KCNAB1: variants seen among roughly 807,000 people sequenced by gnomAD.
KCNAB1 encodes potassium voltage-gated channel subfamily A regulatory beta subunit 1.
Under a neutral mutation model 64.6 loss-of-function variants are expected in KCNAB1, and 35 were observed. That is an observed-to-expected ratio of 0.54 (90% CI 0.41 to 0.72). The LOEUF is 0.72. KCNAB1 is among the 30% of genes least tolerant of loss of function. KCNAB1 has a pLI of 0.00. For synonymous variants in KCNAB1, 177 were observed against 183.8 expected (o/e 0.96, Z 0.30); for missense variants, 401 against 512.9 (o/e 0.78, Z 2.11).
chr3:156,163,848 A>C (rs534832508), intron 1 of KCNAB1, among the ~76,000 whole-genome samples: 1 of 152,348 alleles, frequency 6.6e-6, no homozygotes, highest in African/African-American at 2.4e-5. Flanking sequence ...GTGCAGAATT[A>C]TAAATCAAGT....
chr3:156,258,956 G>T (rs1452433129), intron 1 of KCNAB1, among the ~76,000 whole-genome samples: 3 of 152,238 alleles, frequency 2.0e-5, no homozygotes, highest in South Asian at 4.1e-4. Flanking sequence ...AGTCTGATGA[G>T]CAGGGAAATG....
chr3:156,460,365 C>CAA (rs1712809020), intron 5 of KCNAB1: 1 of 153,450 alleles, frequency 6.5e-6, no homozygotes, highest in African/African-American at 2.4e-5. Context: ...CCCAGGAACC[C>CAA]TATTATCTGG....
chr3:156,515,707 G>A (rs1254479986), intron 10 of KCNAB1, among the ~76,000 whole-genome samples: 1 of 152,036 alleles, frequency 6.6e-6, no homozygotes, highest in Non-Finnish European at 1.5e-5. Context: ...CAGAGACAGG[G>A]GAAATATATC....
At position 156,144,387 on chromosome 3, in the gene KCNAB1, A is replaced by G. The variant is rs184384153; in HGVS notation, c.275+23501A>G. On this transcript the variant is annotated intron_variant, in intron 1 of 13. Coordinates refer to ENST00000490337, the MANE Select transcript of KCNAB1 (RefSeq NM_172160.3). ...TCTAATTTATCAGCTAATTATATTC[A>G]TAAAGCAATTTGCAATGATATGGCT... Among the ~76,000 whole-genome samples, 490 of 152,354 alleles carry G rather than the reference A, an allele frequency of 3.2e-3. 1 individual carries two copies. The highest frequency in any genetic ancestry group is 0.011 in the African/African-American group (475 of 41,584).
In KCNAB1 at chr3:156,166,528, T is replaced by TACAC. The variant is rs199726612; in HGVS notation, c.275+45643_275+45644insCACA. On this transcript the variant is annotated intron_variant, in intron 1 of 13. Coordinates refer to ENST00000490337, the MANE Select transcript of KCNAB1 (RefSeq NM_172160.3). The stretch of plus-strand genomic sequence containing the variant: ...GCTAGACAAATTTAAAAAATACATA[T>TACAC]ATACACACACACACACACACACACA... Among the ~76,000 whole-genome samples, 793 of 145,182 alleles carry TACAC rather than the reference T, an allele frequency of 5.5e-3. 4 individuals are homozygous for TACAC. Among genetic ancestry groups the TACAC allele is most frequent in the Non-Finnish European group, 7.7e-3 (506 of 65,476 alleles).
In KCNAB1 at chr3:156,537,021, A is replaced by G. The variant is rs1208318487; in HGVS notation, c.*274A>G. 4.2e-6 allele frequency: 2 copies of G among 476,466 alleles called. No homozygotes were observed. The highest frequency in any genetic ancestry group is 2.0e-5 in the African/African-American group (1 of 50,880). The allele number at this position is 476,466 out of a possible 1,614,324, so 29.5% of individuals were successfully genotyped here. On this transcript the variant is annotated 3_prime_UTR_variant, in exon 14 of 14. Coordinates refer to ENST00000490337, the MANE Select transcript of KCNAB1 (RefSeq NM_172160.3). The stretch of plus-strand genomic sequence containing the variant: ...CTCATGCTTATGCAATGGGAAGAAT[A>G]TGGGGGCCAGGGGGTGTGGTACTAC...
intron 2 of KCNAB1, among the ~76,000 whole-genome samples, chr3:156,438,820 C>T (rs1262367847): frequency 6.6e-6 from 1 of 152,058 alleles, no homozygotes; most frequent in East Asian, 1.9e-4. Flanking sequence ...TCAAGACCAG[C>T]CTGACCAACA....
At chr3:156,327,976 G>A (rs975104492) in intron 1 of KCNAB1, among the ~76,000 whole-genome samples, 3 of 151,946 alleles carry the variant, frequency 2.0e-5, no homozygotes, top group East Asian at 3.9e-4. Context: ...GGGATCTCAT[G>A]TTGTCTAACT....
chr3:156,313,460 A>G (rs1205499567), intron 1 of KCNAB1, among the ~76,000 whole-genome samples: 2 of 152,186 alleles, frequency 1.3e-5, no homozygotes, highest in African/African-American at 4.8e-5. Flanking sequence ...GTATCTTTAC[A>G]AGAGTGAAGC....
intron 12 of KCNAB1, among the ~76,000 whole-genome samples, chr3:156,525,507 T>C (rs915019633): frequency 5.9e-5 from 9 of 152,308 alleles, no homozygotes; most frequent in African/African-American, 2.2e-4. Context: ...AGTTCAAAGG[T>C]TTTTTTGTTT....
intron 1 of KCNAB1, among the ~76,000 whole-genome samples, chr3:156,335,705 C>G (rs1447655315): frequency 6.6e-6 from 1 of 151,972 alleles, no homozygotes; most frequent in Admixed American, 6.6e-5. Flanking sequence ...TTTTCTTTTC[C>G]TTGTCAACAT....
chr3:156,358,590 T>C (rs1725408481), intron 1 of KCNAB1, among the ~76,000 whole-genome samples: 1 of 152,160 alleles, frequency 6.6e-6, no homozygotes, highest in Non-Finnish European at 1.5e-5. Context: ...GGTAGAGGTT[T>C]TCAAGAAAAT....
At chr3:156,404,131 T>G (rs116469950) in intron 1 of KCNAB1, among the ~76,000 whole-genome samples, 1,706 of 152,222 alleles carry the variant, frequency 0.011, 28 homozygotes, top group African/African-American at 0.039. Context: ...TATATTGGAG[T>G]TTAAAGACAA....
chr3:156,528,187 A>AAAAGAG (rs59586180), intron 12 of KCNAB1, among the ~76,000 whole-genome samples: 3 of 151,152 alleles, frequency 2.0e-5, no homozygotes, highest in African/African-American at 7.3e-5. Flanking sequence ...AAAAAAAAAA[A>AAAAGAG]AGAGAGAGAA....
intron 1 of KCNAB1, among the ~76,000 whole-genome samples, chr3:156,374,905 C>T (rs1435407598): frequency 7.3e-6 from 1 of 136,060 alleles, no homozygotes; most frequent in Non-Finnish European, 1.5e-5. Flanking sequence ...GATTAATAGA[C>T]GTGAGTTCTC....
Position 156,420,197 on chromosome 3 carries a change from A to C in KCNAB1, c.276-1419A>C, listed in dbSNP as rs190556096. ...TGTTTACAGTATAACACTTTAGCAC[A>C]CATTCTCACGATCTGGCCCTACAAA... On this transcript the variant is annotated intron_variant, in intron 1 of 13. Transcript: ENST00000490337. Among the ~76,000 whole-genome samples the C allele has an allele frequency of 5.3e-4, 80 of 152,364 alleles. 1 individual carries two copies. Among genetic ancestry groups the C allele is most frequent in the Non-Finnish European group, 9.6e-4 (65 of 68,036 alleles).
chr3:156,338,276 CATCTT>C (rs1003570321), intron 1 of KCNAB1, among the ~76,000 whole-genome samples: 3 of 98,790 alleles, frequency 3.0e-5, no homozygotes, highest in Admixed American at 1.2e-4. Context: ...GGGAGTCACT[CATCTT>C]ATACTTTCTT....
At chr3:156,291,696 TC>T (rs1321740607) in intron 1 of KCNAB1, 2 of 1,417,918 alleles carry the variant, frequency 1.4e-6, no homozygotes, top group Non-Finnish European at 1.8e-6. Context: ...CTTCTCTGGG[TC>T]CCCGGGGACT....
intron 1 of KCNAB1, among the ~76,000 whole-genome samples, chr3:156,419,228 C>T (rs891050459): frequency 2.0e-5 from 3 of 152,180 alleles, no homozygotes; most frequent in Non-Finnish European, 4.4e-5. Context: ...ACTAGCGGGG[C>T]ACGGTGGCTC....
Sources: gnomAD v4.1 joint callset for allele counts (sites outside exome capture counted in the v4.1 genomes callset) on GRCh38, gnomAD v4.1.1 for gene constraint, MANE v1.5 for transcripts, NCBI Gene and HGNC (gene_info 2026-07-23, HGNC 2026-07-21) for gene names.